DRD3: variants seen among roughly 807,000 people sequenced by gnomAD.
DRD3 encodes the protein dopamine receptor D3, also known as D(3) dopamine receptor.
Under a neutral mutation model 36.3 loss-of-function variants are expected in DRD3, and 19 were observed. The observed-to-expected ratio is 0.52, with a 90% CI of 0.36 to 0.77. DRD3 has a LOEUF of 0.77. Among genes scored for constraint, DRD3 ranks in the 30% least tolerant of loss-of-function variants. The pLI, the probability that DRD3 is intolerant of heterozygous loss-of-function variation, is 0.00. For missense variants in DRD3, 465 were observed against 505.3 expected (o/e 0.92, Z 0.77); for synonymous variants, 195 against 203.7 (o/e 0.96, Z 0.36).
chr3:114,174,067 T>G (rs920160439), intron 1 of DRD3, among the ~76,000 whole-genome samples: 3 of 152,178 alleles, frequency 2.0e-5, no homozygotes, highest in Admixed American at 2.0e-4. Context: ...AAATTGTCCT[T>G]TATCTTGGCA....
At chr3:114,167,019 C>T (rs1553767862) in intron 2 of DRD3, among the ~76,000 whole-genome samples, 2 of 152,198 alleles carry the variant, frequency 1.3e-5, no homozygotes, top group Non-Finnish European at 1.5e-5. Context: ...AAAAAACCCA[C>T]TTCTTTATTT....
chr3:114,198,225 G>A (rs1318189345), intron 1 of DRD3, among the ~76,000 whole-genome samples: 1 of 148,156 alleles, frequency 6.7e-6, no homozygotes, highest in Non-Finnish European at 1.5e-5. Flanking sequence ...CATAATTTCT[G>A]TGTTTTTTTT....
At chr3:114,181,890 A>G (rs2077950042), upstream of DRD3, among the ~76,000 whole-genome samples, 1 of 152,112 alleles carries the variant, frequency 6.6e-6, no homozygotes, top group Admixed American at 6.6e-5. Flanking sequence ...ACCACTTTAA[A>G]CCCCCACTGA....
intron 4 of DRD3, among the ~76,000 whole-genome samples, chr3:114,146,380 A>C (rs576632389): frequency 6.6e-6 from 1 of 152,270 alleles, no homozygotes; most frequent in South Asian, 2.1e-4. Flanking sequence ...GTCAATACCC[A>C]TCATGTTACT....
At chr3:114,189,762 G>A (rs6794995) in intron 1 of DRD3, among the ~76,000 whole-genome samples, 1,659 of 152,256 alleles carry the variant, frequency 0.011, 17 homozygotes, top group Non-Finnish European at 0.015. Flanking sequence ...GTCTTGCCCC[G>A]AAGGGCTTTG....
rs34500434 is a variant in DRD3, at chr3:114,164,220, CAAAAAAAAAAAAAAAAAAA to C, written c.271-4372_271-4354del. The stretch of plus-strand genomic sequence containing the variant: ...TGGGTGATAGAGCGAGCCTCAGTCT[CAAAAAAAAAAAAAAAAAAA>C]AAAAAAAAAAAAAGTGAAAAAAATC... On this transcript the variant is annotated intron_variant, in intron 2 of 6. Coordinates refer to ENST00000383673, the MANE Select transcript of DRD3 (RefSeq NM_000796.6). Among the ~76,000 whole-genome samples, 3 of 17,776 alleles carry C rather than the reference CAAAAAAAAAAAAAAAAAAA, an allele frequency of 1.7e-4. No homozygotes were observed. The Admixed American group carries it at 4.3e-3, about 26-fold the overall frequency. 11.7% of individuals were successfully genotyped at this position (17,776 alleles called of 152,430 possible).
intron 6 of DRD3, 144 bp from the exon 7 acceptor site, chr3:114,129,056 C>G (rs1346912655): frequency 4.6e-6 from 4 of 861,210 alleles, no homozygotes; most frequent in Non-Finnish European, 6.8e-6. Context: ...TTTATAACAA[C>G]CCTAGGCCGG....
At chr3:114,193,221 G>C (rs1470299339) in intron 1 of DRD3, among the ~76,000 whole-genome samples, 1 of 152,220 alleles carries the variant, frequency 6.6e-6, no homozygotes, top group Non-Finnish European at 1.5e-5. Context: ...GGAGCTTGGA[G>C]TGAGCCAAGA....
At chr3:114,187,936 G>A (rs915611884) in intron 1 of DRD3, among the ~76,000 whole-genome samples, 7 of 152,192 alleles carry the variant, frequency 4.6e-5, no homozygotes, top group Admixed American at 2.0e-4. Flanking sequence ...GACCAAACTC[G>A]TGAAATGAGA....
At chr3:114,139,062 C>G (rs1030062401) in intron 5 of DRD3, among the ~76,000 whole-genome samples, 1 of 152,328 alleles carries the variant, frequency 6.6e-6, no homozygotes, top group Middle Eastern at 3.4e-3. Context: ...TTCCTTGACA[C>G]ACGGACAGAT....
chr3:114,182,021 CTG>C (rs2077950859), upstream of DRD3, among the ~76,000 whole-genome samples: 2 of 152,314 alleles, frequency 1.3e-5, no homozygotes, highest in South Asian at 4.1e-4. Flanking sequence ...GCATTCCTTA[CTG>C]TGAACTGGAA....
intron 1 of DRD3, among the ~76,000 whole-genome samples, chr3:114,188,435 C>T (rs1476987976): frequency 6.6e-6 from 1 of 152,116 alleles, no homozygotes; most frequent in Non-Finnish European, 1.5e-5. Context: ...TGGCCTTGAA[C>T]TCCTGACCTC....
intron 2 of DRD3, among the ~76,000 whole-genome samples, chr3:114,166,165 C>T (rs947032814): frequency 6.6e-6 from 1 of 151,758 alleles, no homozygotes; most frequent in Admixed American, 6.6e-5. Context: ...TTTGTATTTT[C>T]AGTAGAGACG....
upstream of DRD3, among the ~76,000 whole-genome samples, chr3:114,183,295 A>G (rs946447052): frequency 5.3e-5 from 8 of 152,212 alleles, no homozygotes; most frequent in Admixed American, 1.3e-4. Flanking sequence ...AAGACTTTGT[A>G]TGACATTTGT....
intron 1 of DRD3, among the ~76,000 whole-genome samples, chr3:114,195,222 G>C (rs937750010): frequency 6.6e-6 from 1 of 152,160 alleles, no homozygotes; most frequent in African/African-American, 2.4e-5. Flanking sequence ...TGAATTCTAA[G>C]GAGAAGAGTG....
chr3:114,163,193 A>G (rs2077749643), intron 2 of DRD3, among the ~76,000 whole-genome samples: 1 of 152,052 alleles, frequency 6.6e-6, no homozygotes, highest in African/African-American at 2.4e-5. Flanking sequence ...AATAATTCCC[A>G]CTAAGGTGCC....
At chr3:114,150,259 C>T (rs1466566502) in intron 3 of DRD3, among the ~76,000 whole-genome samples, 1 of 152,234 alleles carries the variant, frequency 6.6e-6, no homozygotes, top group Non-Finnish European at 1.5e-5. Flanking sequence ...CCTTCTTCCT[C>T]CCTGGGCAAC....
At chr3:114,191,678 G>A (rs935873535) in intron 1 of DRD3, among the ~76,000 whole-genome samples, 3 of 152,162 alleles carry the variant, frequency 2.0e-5, no homozygotes, top group African/African-American at 7.2e-5. Flanking sequence ...GCAAGTTGGC[G>A]GCTCCCTGGA....
chr3:114,149,861 A>G (rs1441451841), intron 3 of DRD3, among the ~76,000 whole-genome samples: 1 of 152,226 alleles, frequency 6.6e-6, no homozygotes, highest in Non-Finnish European at 1.5e-5. Flanking sequence ...TACTCCTAAC[A>G]ACCTGAGTGA....
Sources: allele counts gnomAD v4.1 joint callset (sites outside exome capture counted in the v4.1 genomes callset), GRCh38; gene constraint gnomAD v4.1.1; transcripts MANE v1.5; gene names NCBI Gene and HGNC (gene_info 2026-07-23, HGNC 2026-07-21).